Variants in OPCML observed in about 807,000 individuals in gnomAD.
OPCML encodes the protein opioid-binding protein/cell adhesion molecule.
OPCML carries 13 observed loss-of-function variants against 37.8 expected under a neutral mutation model. The observed-to-expected ratio is 0.34, with a 90% CI of 0.22 to 0.55. The LOEUF (loss-of-function observed/expected upper bound fraction) is 0.55. Among genes scored for constraint, OPCML ranks in the 20% least tolerant of loss-of-function variants. OPCML has a pLI of 0.91. For synonymous variants in OPCML, 176 were observed against 168.8 expected, an observed-to-expected ratio of 1.04 and a Z score of -0.33; for missense variants, 341 against 435.6, an observed-to-expected ratio of 0.78 and a Z score of 1.93.
intron 1 of OPCML, among the ~76,000 whole-genome samples, chr11:133,125,818 GTATATACACATGTATA>G (rs1949500410): frequency 7.1e-6 from 1 of 141,674 alleles, no homozygotes; most frequent in South Asian, 2.2e-4. Context: ...CATGTATATA[GTATATACACATGTATA>G]TATAGACACA....
intron 2 of OPCML, among the ~76,000 whole-genome samples, chr11:132,672,783 G>A (rs1942530615): frequency 1.3e-5 from 2 of 152,068 alleles, no homozygotes; most frequent in Non-Finnish European, 2.9e-5. Flanking sequence ...ATTCCTGTAG[G>A]AGACAACATA....
intron 1 of OPCML, chr11:133,419,092 GA>G (rs1945828925): frequency 3.3e-6 from 1 of 301,794 alleles, no homozygotes; most frequent in Non-Finnish European, 4.9e-6. Flanking sequence ...CACCTTTGGC[GA>G]AACTGATTTG....
intron 2 of OPCML, among the ~76,000 whole-genome samples, chr11:132,924,125 CTATGTGTGTGTG>C (rs1238108299): frequency 1.3e-5 from 1 of 78,564 alleles, no homozygotes; most frequent in Non-Finnish European, 2.8e-5. Flanking sequence ...GGAAAAAAAA[CTATGTGTGTGTG>C]TGTGTGTGTG....
In OPCML at chr11:132,628,580, C is replaced by CT. The variant is rs367905531; in HGVS notation, c.379+28506dup. The stretch of plus-strand genomic sequence containing the variant: ...ATCTAGAGGCCACAGCTTCAATCAT[C>CT]TCCTTCCTCAGGCTCTCCCACTCTG... On this transcript the variant is annotated intron_variant, in intron 3 of 7. Transcript: ENST00000524381. 2.6e-3 allele frequency among the ~76,000 whole-genome samples: 399 copies of CT among 152,264 alleles called. 4 individuals are homozygous for CT. The highest frequency in any genetic ancestry group is 9.3e-3 in the African/African-American group (386 of 41,542).
intron 2 of OPCML, among the ~76,000 whole-genome samples, chr11:132,842,991 A>G (rs1178209375): frequency 6.6e-6 from 1 of 152,196 alleles, no homozygotes; most frequent in East Asian, 1.9e-4. Context: ...TTGTGAATCA[A>G]TTAAACTAAG....
rs1950310977 is a variant in OPCML, at chr11:133,173,161, A to T, written c.62-230151T>A. ...CACACCCATGCTTTAAAAAAATTAC[A>T]TGTGAGGGAATATTTCATATGAATT... On this transcript the variant is annotated intron_variant, in intron 1 of 7. Coordinates refer to ENST00000524381, the MANE Select transcript of OPCML (RefSeq NM_001012393.5). The surrounding 1 kb of genome is among the most constrained non-coding windows in gnomAD (Gnocchi z 7.8). 6.6e-6 allele frequency among the ~76,000 whole-genome samples: 1 copy of T among 152,242 alleles called. No individual in the cohort carries two copies. The highest frequency in any genetic ancestry group is 2.4e-5 in the African/African-American group (1 of 41,454).
chr11:132,443,113 G>GCT (rs1385107758), intron 4 of OPCML, among the ~76,000 whole-genome samples: 2 of 152,222 alleles, frequency 1.3e-5, no homozygotes, highest in African/African-American at 4.8e-5. Context: ...ACCTGCAGAA[G>GCT]CTGCGCTGAG....
At chr11:132,795,568 T>A (rs1201110230) in intron 2 of OPCML, among the ~76,000 whole-genome samples, 1 of 152,206 alleles carries the variant, frequency 6.6e-6, no homozygotes, top group Non-Finnish European at 1.5e-5. Flanking sequence ...GTCTCTGCAC[T>A]CCTACTCCCT....
At chr11:133,483,224 G>A (rs1383379881) in intron 1 of OPCML, among the ~76,000 whole-genome samples, 1 of 151,994 alleles carries the variant, frequency 6.6e-6, no homozygotes, top group African/African-American at 2.4e-5. Flanking sequence ...TGGAAGAATG[G>A]CAAAATTTAG....
intron 1 of OPCML, among the ~76,000 whole-genome samples, chr11:133,311,326 T>C (rs1170717435): frequency 1.3e-5 from 2 of 152,200 alleles, no homozygotes; most frequent in East Asian, 3.9e-4. Flanking sequence ...GAAGAAGAGA[T>C]GCAGAACACA....
chr11:132,925,427 G>C (rs546212744), intron 2 of OPCML, among the ~76,000 whole-genome samples: 12 of 152,262 alleles, frequency 7.9e-5, no homozygotes, highest in African/African-American at 2.9e-4. Context: ...TCAAGAATAA[G>C]CTTTTGTTAA....
intron 1 of OPCML, among the ~76,000 whole-genome samples, chr11:133,037,690 T>C (rs1947806851): frequency 1.3e-5 from 2 of 152,196 alleles, no homozygotes; most frequent in Admixed American, 6.5e-5. Context: ...CCAGCTGTCT[T>C]TGACTCATCA....
intron 1 of OPCML, among the ~76,000 whole-genome samples, chr11:133,344,435 C>T (rs1397025671): frequency 6.6e-6 from 1 of 152,184 alleles, no homozygotes; most frequent in Non-Finnish European, 1.5e-5. Flanking sequence ...CATTTTACCC[C>T]ACTGCCCCTC....
intron 1 of OPCML, among the ~76,000 whole-genome samples, chr11:133,121,523 A>G (rs549952205): frequency 3.1e-4 from 47 of 152,318 alleles, no homozygotes; most frequent in African/African-American, 1.0e-3. Flanking sequence ...AGCTCTTGAC[A>G]CAGATTAGAA....
chr11:132,661,431 T>C (rs1006002319), intron 2 of OPCML, among the ~76,000 whole-genome samples: 3 of 152,156 alleles, frequency 2.0e-5, no homozygotes, highest in Admixed American at 6.5e-5. Flanking sequence ...TCCATCACCA[T>C]AGGACTCTTC....
At chr11:132,658,845 T>C (rs959696676) in intron 2 of OPCML, among the ~76,000 whole-genome samples, 1 of 152,238 alleles carries the variant, frequency 6.6e-6, no homozygotes, top group Non-Finnish European at 1.5e-5. Flanking sequence ...TATCTCAGTC[T>C]ACATCTTACT....
At chr11:133,271,243 A>AT (rs1941820908) in intron 1 of OPCML, among the ~76,000 whole-genome samples, 1 of 152,234 alleles carries the variant, frequency 6.6e-6, no homozygotes, top group African/African-American at 2.4e-5. Flanking sequence ...AAAGTATCTC[A>AT]ATATCCCAGA....
intron 1 of OPCML, among the ~76,000 whole-genome samples, chr11:132,967,361 C>T (rs1946238710): frequency 6.6e-6 from 1 of 152,040 alleles, no homozygotes; most frequent in African/African-American, 2.4e-5. Flanking sequence ...ACCAATAGTG[C>T]ATTTTTATAA....
intron 1 of OPCML, among the ~76,000 whole-genome samples, chr11:133,489,511 T>C (rs1947606866): frequency 1.3e-5 from 2 of 152,262 alleles, no homozygotes; most frequent in South Asian, 2.1e-4. Flanking sequence ...GAAATGTACA[T>C]TAAAACACAA....
Sources: allele counts gnomAD v4.1 joint callset (sites outside exome capture counted in the v4.1 genomes callset), GRCh38; gene constraint gnomAD v4.1.1; non-coding constraint Gnocchi (gnomAD v3.1); transcripts MANE v1.5; gene names NCBI Gene and HGNC (gene_info 2026-07-23, HGNC 2026-07-21).